BRDT: variants seen among roughly 807,000 people sequenced by gnomAD.
BRDT encodes bromodomain testis-specific protein.
In BRDT, 77 loss-of-function variants were observed where a neutral mutation model predicts 113.9. That is an observed-to-expected ratio of 0.68 (90% CI 0.56 to 0.82). The LOEUF (loss-of-function observed/expected upper bound fraction) is 0.82, where lower values mean the gene tolerates loss of function less well. Among genes scored for constraint, BRDT ranks in the 40% least tolerant of loss-of-function variants. The pLI, the probability that BRDT is intolerant of heterozygous loss-of-function variation, is 0.00. For missense variants in BRDT, 1,027 were observed against 1,105.4 expected, an observed-to-expected ratio of 0.93 and a Z score of 1.01; for synonymous variants, 358 against 366.5, an observed-to-expected ratio of 0.98 and a Z score of 0.26.
At chr1:91,973,044 G>C (rs1683778025) in intron 4 of BRDT, among the ~76,000 whole-genome samples, 1 of 152,174 alleles carries the variant, frequency 6.6e-6, no homozygotes, top group East Asian at 1.9e-4. Context: ...TTGAGAAGGT[G>C]ACATATGAGT....
At chr1:91,978,592 G>GGGAT (rs1684379250) in intron 7 of BRDT, among the ~76,000 whole-genome samples, 1 of 152,128 alleles carries the variant, frequency 6.6e-6, no homozygotes, top group Non-Finnish European at 1.5e-5. Context: ...TAGTGAAGAG[G>GGGAT]GGATGTAGAT....
chr1:91,993,868 C>G (rs972008647), intron 14 of BRDT, among the ~76,000 whole-genome samples: 3 of 152,118 alleles, frequency 2.0e-5, no homozygotes, highest in African/African-American at 7.2e-5. Flanking sequence ...CTCTTGTAAG[C>G]CATATAATGG....
intron 8 of BRDT, among the ~76,000 whole-genome samples, chr1:91,980,002 G>T (rs1239255284): frequency 1.3e-5 from 2 of 152,142 alleles, no homozygotes; most frequent in East Asian, 3.8e-4. Flanking sequence ...TCATTGAAAT[G>T]ATTTATGAAA....
intron 3 of BRDT, among the ~76,000 whole-genome samples, chr1:91,967,064 G>A (rs940154960): frequency 3.3e-5 from 5 of 152,056 alleles, no homozygotes; most frequent in Admixed American, 1.3e-4. Flanking sequence ...GTGAGACTTC[G>A]TCGTTGAATA....
intron 1 of BRDT, among the ~76,000 whole-genome samples, chr1:91,954,058 C>T (rs369640838): frequency 6.6e-6 from 1 of 151,824 alleles, no homozygotes; most frequent in Non-Finnish European, 1.5e-5. Context: ...TGCAACCTCC[C>T]CCTCCGGGAT....
intron 3 of BRDT, among the ~76,000 whole-genome samples, chr1:91,964,991 C>T (rs926863742): frequency 6.6e-6 from 1 of 150,470 alleles, no homozygotes; most frequent in Non-Finnish European, 1.5e-5. Flanking sequence ...CTCACTGCAA[C>T]CTCTGCCCCC....
chr1:92,012,302 A>AT (rs200991360), intron 18 of BRDT, among the ~76,000 whole-genome samples: 9,961 of 151,904 alleles, frequency 0.066, 339 homozygotes, highest in Non-Finnish European at 0.087. Context: ...CATCTAGAAA[A>AT]AAAAAAAAAA....
chr1:91,994,821 T>G (rs1570603112), intron 15 of BRDT, among the ~76,000 whole-genome samples: 1 of 114,612 alleles, frequency 8.7e-6, no homozygotes. Flanking sequence ...TGAGCCGAGA[T>G]CCCGCCACTG....
Position 91,980,824 on chromosome 1 carries a change from C to T in BRDT, c.1460+9C>T. Reference sequence around the variant, plus strand: ...GAAAAGTCCAAGAGAAAGTAAGTATCTTTTATTATGATAGCTTATTAAGAC... The same window carrying T: ...GAAAAGTCCAAGAGAAAGTAAGTATTTTTTATTATGATAGCTTATTAAGAC... On this transcript the variant is annotated intron_variant, in intron 9 of 18. Coordinates refer to ENST00000399546, the MANE Select transcript of BRDT (RefSeq NM_207189.4). 3.1e-6 allele frequency: 5 copies of T among 1,590,066 alleles called. No homozygotes were observed. The highest frequency in any genetic ancestry group is 3.4e-6 in the Non-Finnish European group (4 of 1,173,720).
At chr1:91,985,618 C>T (rs140462235) in intron 12 of BRDT, among the ~76,000 whole-genome samples, 1 of 145,172 alleles carries the variant, frequency 6.9e-6, no homozygotes, top group African/African-American at 2.5e-5. Context: ...GTGTCAGAGA[C>T]AGAGCTTTAA....
chr1:92,007,289 T>C (rs1373774607), intron 18 of BRDT, among the ~76,000 whole-genome samples: 3 of 152,134 alleles, frequency 2.0e-5, no homozygotes, highest in Non-Finnish European at 4.4e-5. Context: ...GTTACATAGG[T>C]AAACTGGTGT....
At chr1:91,959,630 A>G (rs1682205487) in intron 1 of BRDT, among the ~76,000 whole-genome samples, 1 of 151,740 alleles carries the variant, frequency 6.6e-6, no homozygotes, top group South Asian at 2.1e-4. Flanking sequence ...ACAGATGTGC[A>G]CCACCACGCC....
chr1:92,005,459 A>T (rs899858315), intron 18 of BRDT, among the ~76,000 whole-genome samples, 160 bp downstream of exon 18: 4 of 152,208 alleles, frequency 2.6e-5, no homozygotes, highest in Admixed American at 2.6e-4. Context: ...CTTAAAATAA[A>T]AAAATTCATA....
chr1:91,975,364 G>A (rs1489585845), intron 4 of BRDT, among the ~76,000 whole-genome samples: 3 of 152,142 alleles, frequency 2.0e-5, no homozygotes, highest in Non-Finnish European at 4.4e-5. Flanking sequence ...CACATGCTAT[G>A]AGCACTTTGG....
At chr1:91,954,916 A>AT (rs1681572871) in intron 1 of BRDT, among the ~76,000 whole-genome samples, 1 of 152,164 alleles carries the variant, frequency 6.6e-6, no homozygotes, top group Non-Finnish European at 1.5e-5. Context: ...AGCAGTGATC[A>AT]TGCCACTGCA....
intron 12 of BRDT, among the ~76,000 whole-genome samples, chr1:91,990,168 A>G (rs1353230342): frequency 6.6e-6 from 1 of 152,136 alleles, no homozygotes; most frequent in East Asian, 1.9e-4. Context: ...AGAGAAACCC[A>G]CTAGAACCGT....
chr1:92,013,679 A>G (rs139711685), intron 18 of BRDT, among the ~76,000 whole-genome samples: 1 of 152,326 alleles, frequency 6.6e-6, no homozygotes, highest in East Asian at 1.9e-4. Flanking sequence ...TGAATGTTAC[A>G]TGTAATCTGA....
At chr1:91,987,638 G>A (rs544724479) in intron 12 of BRDT, among the ~76,000 whole-genome samples, 3 of 146,662 alleles carry the variant, frequency 2.0e-5, no homozygotes, top group South Asian at 2.3e-4. Flanking sequence ...GAGCCACTGC[G>A]CCCGGCCTTG....
At chr1:91,952,849 C>T (rs1311353288) in intron 1 of BRDT, among the ~76,000 whole-genome samples, 1 of 151,072 alleles carries the variant, frequency 6.6e-6, no homozygotes, top group Non-Finnish European at 1.5e-5. Context: ...TCTAGAGTCC[C>T]TGGGAAAAGA....
Sources: allele counts gnomAD v4.1 joint callset (sites outside exome capture counted in the v4.1 genomes callset), GRCh38; gene constraint gnomAD v4.1.1; transcripts MANE v1.5; gene names NCBI Gene and HGNC (gene_info 2026-07-23, HGNC 2026-07-21).